Variants in SLC6A13 observed in about 807,000 individuals in gnomAD.
SLC6A13 encodes solute carrier family 6 member 13, also known as sodium- and chloride-dependent GABA transporter 2.
In SLC6A13, 69 loss-of-function variants were observed where a neutral mutation model predicts 72.9. The ratio of observed to expected loss-of-function variants is 0.95; its 90% CI spans 0.78 to 1.16. SLC6A13 has a LOEUF of 1.16. Ranked by LOEUF, SLC6A13 falls within the 50% of genes most tolerant of loss-of-function variation. The pLI, the probability that SLC6A13 is intolerant of heterozygous loss-of-function variation, is 0.00. For synonymous variants in SLC6A13, 303 were observed against 303.0 expected (o/e 1.00, Z 0.00); for missense variants, 735 against 760.5 (o/e 0.97, Z 0.39).
chr12:260,850 C>T (rs1049611859), intron 1 of SLC6A13, among the ~76,000 whole-genome samples: 3 of 152,072 alleles, frequency 2.0e-5, no homozygotes, highest in African/African-American at 7.2e-5. Context: ...AGGAACATTT[C>T]CTTATCTATA....
At position 226,483 on chromosome 12, in the gene SLC6A13, C is replaced by G. The variant is rs536955832; in HGVS notation, c.967G>C (p.Gly323Arg). ...DCIALCFLNS[G>R]TSFVAGFAIF... ...GCAAAGCCGGCCACAAAGCTGGTGCCGCTGTTGAGGAAGCAGAGGGCGATG... is the reference window on the plus strand; with the variant it reads ...GCAAAGCCGGCCACAAAGCTGGTGCGGCTGTTGAGGAAGCAGAGGGCGATG... The change falls in exon 9 of 15, where the codon GGC becomes CGC. Residue 323 changes from glycine to arginine, a missense_variant. Transcript: ENST00000343164. 1 of 1,614,038 alleles carries G rather than the reference C, an allele frequency of 6.2e-7. No individual in the cohort carries two copies. Among genetic ancestry groups the G allele is most frequent in the East Asian group, 2.2e-5 (1 of 44,874 alleles).
intron 2 of SLC6A13, among the ~76,000 whole-genome samples, chr12:252,693 C>A (rs892980497): frequency 2.0e-5 from 3 of 152,208 alleles, no homozygotes; most frequent in African/African-American, 7.2e-5. Context: ...AAGATAGAAC[C>A]CAGCAGCTGA....
In SLC6A13 at chr12:243,690, G is replaced by A. The variant is rs538870925; in HGVS notation, c.326C>T (p.Pro109Leu). The A allele has an allele frequency of 1.5e-5, 25 of 1,614,060 alleles. No individual in the cohort carries two copies. The highest frequency in any genetic ancestry group is 2.1e-5 in the Non-Finnish European group (25 of 1,179,976). Residue 109 changes from proline to leucine, a missense_variant, in exon 3 of 15, where the codon CCC (proline) becomes CTC (leucine). Coordinates refer to ENST00000343164, the MANE Select transcript of SLC6A13 (RefSeq NM_016615.5). ...GGVTAWRKIC[P>L]IFEGIGYASQ... ...ACAGAGCTACTCACCCTCAAAGATGGGGCAGATCTTCCTCCAGGCTGTGAC... is the reference window on the plus strand; with the variant it reads ...ACAGAGCTACTCACCCTCAAAGATGAGGCAGATCTTCCTCCAGGCTGTGAC...
chr12:252,208 G>C (rs1017387988), intron 2 of SLC6A13, among the ~76,000 whole-genome samples: 2 of 152,052 alleles, frequency 1.3e-5, no homozygotes, highest in Non-Finnish European at 2.9e-5. Context: ...GCAAACTAAG[G>C]TATGGTGGTA....
At chr12:251,974 T>C (rs979216320) in intron 2 of SLC6A13, among the ~76,000 whole-genome samples, 17 of 151,324 alleles carry the variant, frequency 1.1e-4, no homozygotes, top group Non-Finnish European at 5.9e-5. Flanking sequence ...AGATCCCATC[T>C]CAAAAAAAAG....
chr12:258,764 G>T (rs1942829450), intron 2 of SLC6A13, among the ~76,000 whole-genome samples: 1 of 152,190 alleles, frequency 6.6e-6, no homozygotes, highest in African/African-American at 2.4e-5. Context: ...TACCCCAGGG[G>T]GCTGAAAGAG....
At chr12:246,710 GA>G (rs1161454753) in intron 2 of SLC6A13, among the ~76,000 whole-genome samples, 2 of 152,024 alleles carry the variant, frequency 1.3e-5, no homozygotes, top group East Asian at 3.9e-4. Flanking sequence ...AACACAGAGA[GA>G]AAAAAGAACA....
intron 2 of SLC6A13, among the ~76,000 whole-genome samples, chr12:248,705 T>C (rs1428523640): frequency 1.3e-5 from 2 of 152,188 alleles, no homozygotes; most frequent in Non-Finnish European, 2.9e-5. Flanking sequence ...AATAGCCCTC[T>C]CTCAATAATT....
Position 259,740 on chromosome 12 carries a change from C to T in SLC6A13, c.202+111G>A, listed in dbSNP as rs191777325. Reference sequence around the variant, plus strand: ...TTAATGACCTCTAAGCGTCCTCCTACCTCCAGAATTCTATACATCTATGGG... The same window carrying T: ...TTAATGACCTCTAAGCGTCCTCCTATCTCCAGAATTCTATACATCTATGGG... On this transcript the variant is annotated intron_variant, in intron 2 of 14. Transcript: ENST00000343164. The T allele has an allele frequency of 3.1e-5, 50 of 1,607,382 alleles. No homozygotes were observed. The African/African-American group carries it at 5.9e-4, about 19-fold the overall frequency.
Position 220,875 on chromosome 12 carries a change from G to A in SLC6A13, c.*73C>T, listed in dbSNP as rs1344758979. On this transcript the variant is annotated 3_prime_UTR_variant, in exon 15 of 15. Transcript: ENST00000343164. ...GGTCGGGGGCAGGGAAGCACATGGGGCTGCTTCTGCCACGTTCCCTCCACA... is the reference window on the plus strand; with the variant it reads ...GGTCGGGGGCAGGGAAGCACATGGGACTGCTTCTGCCACGTTCCCTCCACA... 1.3e-6 allele frequency: 2 copies of A among 1,578,130 alleles called. No homozygotes were observed. The highest frequency in any genetic ancestry group is 2.7e-5 in the African/African-American group (2 of 74,326).
intron 7 of SLC6A13, among the ~76,000 whole-genome samples, chr12:230,188 C>T (rs998587854): frequency 6.6e-6 from 1 of 152,124 alleles, no homozygotes; most frequent in Non-Finnish European, 1.5e-5. Flanking sequence ...TCTGATTTGT[C>T]TCTGGCTAGG....
intron 14 of SLC6A13, 137 bp from the exon 15 acceptor site, chr12:221,207 C>T (rs1046722548): frequency 7.4e-7 from 1 of 1,344,980 alleles, no homozygotes; most frequent in Non-Finnish European, 9.9e-7. Context: ...GGGAGTCCCC[C>T]TGTGTCTTCC....
intron 2 of SLC6A13, among the ~76,000 whole-genome samples, chr12:248,403 GAAAAAA>G (rs35297718): frequency 7.0e-5 from 7 of 100,450 alleles, no homozygotes; most frequent in Non-Finnish European, 1.4e-4. Flanking sequence ...CTCCGTCTCG[GAAAAAA>G]AAAAAAAAAA....
chr12:262,235 T>A (rs1010283722), intron 1 of SLC6A13, among the ~76,000 whole-genome samples: 8 of 152,256 alleles, frequency 5.3e-5, no homozygotes, highest in Non-Finnish European at 1.0e-4. Context: ...GCATGTTGTG[T>A]CTGAAAGGTC....
chr12:251,957 CAG>C (rs1942569508), intron 2 of SLC6A13, among the ~76,000 whole-genome samples: 1 of 151,914 alleles, frequency 6.6e-6, no homozygotes, highest in South Asian at 2.1e-4. Flanking sequence ...GCCTGGGTGA[CAG>C]AGTGAGATCC....
At chr12:235,480 T>G (rs1244937880) in intron 6 of SLC6A13, among the ~76,000 whole-genome samples, 1 of 152,210 alleles carries the variant, frequency 6.6e-6, no homozygotes, top group Non-Finnish European at 1.5e-5. Flanking sequence ...CAAATAATAC[T>G]TTTATAATTT....
At chr12:256,791 A>T (rs746863475) in intron 2 of SLC6A13, among the ~76,000 whole-genome samples, 45 of 152,084 alleles carry the variant, frequency 3.0e-4, no homozygotes, top group Non-Finnish European at 5.0e-4. Context: ...CAAGCACAAG[A>T]GTGGCTACTT....
At chr12:251,722 G>A (rs969016628) in intron 2 of SLC6A13, among the ~76,000 whole-genome samples, 6 of 152,152 alleles carry the variant, frequency 3.9e-5, no homozygotes, top group African/African-American at 1.4e-4. Context: ...GGAGGCCAAG[G>A]CTGGAGGATC....
At chr12:255,846 C>A (rs1192366871) in intron 2 of SLC6A13, among the ~76,000 whole-genome samples, 2 of 125,154 alleles carry the variant, frequency 1.6e-5, no homozygotes, top group Non-Finnish European at 4.1e-5. Flanking sequence ...ACTTCCCTGA[C>A]CTTACCTTCT....
Sources: gnomAD v4.1 joint callset for allele counts (sites outside exome capture counted in the v4.1 genomes callset) on GRCh38, gnomAD v4.1.1 for gene constraint, MANE v1.5 for transcripts, NCBI Gene and HGNC (gene_info 2026-07-23, HGNC 2026-07-21) for gene names.